Variants in KCNH1 observed in about 807,000 individuals in gnomAD.
The protein encoded by KCNH1 is potassium voltage-gated channel subfamily H member 1.
Under a neutral mutation model 69.2 loss-of-function variants are expected in KCNH1, and 27 were observed. That is an observed-to-expected ratio of 0.39 (90% CI 0.29 to 0.54). The LOEUF (loss-of-function observed/expected upper bound fraction) is 0.54. Ranked by LOEUF, KCNH1 falls within the 20% of genes least tolerant of loss-of-function variation. The probability of loss-of-function intolerance (pLI) is 0.68; values close to 1 mark genes in which losing one functional copy is unlikely to be tolerated. For synonymous variants in KCNH1, 456 were observed against 487.7 expected (o/e 0.93, Z 0.86); for missense variants, 798 against 1,261.6 (o/e 0.63, Z 5.57).
At chr1:210,748,178 C>T (rs1683203456) in intron 10 of KCNH1, among the ~76,000 whole-genome samples, 1 of 152,194 alleles carries the variant, frequency 6.6e-6, no homozygotes, top group African/African-American at 2.4e-5. Flanking sequence ...GGTCCACGTG[C>T]TCCTGTGTCC....
chr1:210,780,137 C>T (rs1683948292), intron 9 of KCNH1, among the ~76,000 whole-genome samples: 1 of 152,098 alleles, frequency 6.6e-6, no homozygotes, highest in African/African-American at 2.4e-5. Flanking sequence ...GGATCAATAG[C>T]CTTCTTGAGG....
At chr1:210,880,362 C>T (rs1307226728) in intron 7 of KCNH1, among the ~76,000 whole-genome samples, 4 of 152,106 alleles carry the variant, frequency 2.6e-5, no homozygotes, top group Non-Finnish European at 5.9e-5. Context: ...CTACAGTAAT[C>T]AACAATACAG....
At chr1:210,996,468 G>A (rs573650321) in intron 6 of KCNH1, among the ~76,000 whole-genome samples, 2 of 152,228 alleles carry the variant, frequency 1.3e-5, no homozygotes, top group African/African-American at 4.8e-5. Flanking sequence ...GCTTGATTAG[G>A]TAAACAAAGC....
intron 6 of KCNH1, among the ~76,000 whole-genome samples, chr1:211,002,160 C>T (rs1225301423): frequency 6.6e-6 from 1 of 151,720 alleles, no homozygotes; most frequent in East Asian, 1.9e-4. Flanking sequence ...AACAAACCTG[C>T]ACGTTGCGCA....
chr1:211,020,330 A>G (rs1297799882), intron 5 of KCNH1, among the ~76,000 whole-genome samples: 2 of 152,048 alleles, frequency 1.3e-5, no homozygotes, highest in African/African-American at 4.8e-5. Flanking sequence ...AATACAAAGG[A>G]TCATTAGAAG....
chr1:210,922,410 A>C (rs1289111837), intron 6 of KCNH1, among the ~76,000 whole-genome samples: 18 of 120,748 alleles, frequency 1.5e-4, no homozygotes, highest in East Asian at 6.5e-4. Context: ...AAAAAAAAAA[A>C]AAAAAAAAAA....
chr1:210,859,713 AG>A lies in KCNH1; in HGVS notation c.1463-55548del. On this transcript the variant is annotated intron_variant, in intron 7 of 10. Coordinates refer to ENST00000271751, the MANE Select transcript of KCNH1 (RefSeq NM_172362.3). ...GGATAAAAGCTGGCAAAATCTGTCC[AG>A]AAACCTGATTTAAACCTTGGGGTAT... 13 of 1,212,326 alleles carry A rather than the reference AG, an allele frequency of 1.1e-5. No individual in the cohort carries two copies. The South Asian group carries it at 1.4e-4, about 14-fold the overall frequency. 75.1% of individuals were successfully genotyped at this position (1,212,326 alleles called of 1,614,324 possible). A position where few individuals can be genotyped will look rare whatever the true frequency, so the allele number is the denominator to read the frequency against.
intron 6 of KCNH1, among the ~76,000 whole-genome samples, chr1:210,973,623 G>A (rs889044173): frequency 6.6e-6 from 1 of 152,084 alleles, no homozygotes; most frequent in African/African-American, 2.4e-5. Flanking sequence ...ACCAGGTAAT[G>A]TTTCCTTCCA....
intron 7 of KCNH1, among the ~76,000 whole-genome samples, chr1:210,832,589 G>A (rs1245618004): frequency 6.6e-6 from 1 of 151,978 alleles, no homozygotes; most frequent in Non-Finnish European, 1.5e-5. Context: ...CTCCATCAGG[G>A]AACAGATAAC....
chr1:210,821,684 A>G (rs1355869733), intron 7 of KCNH1, among the ~76,000 whole-genome samples: 2 of 151,782 alleles, frequency 1.3e-5, no homozygotes, highest in African/African-American at 4.8e-5. Flanking sequence ...GCAGCAGTAC[A>G]CTCCAGCTAA....
chr1:210,755,497 A>G (rs1038086300), intron 10 of KCNH1, among the ~76,000 whole-genome samples: 10 of 152,228 alleles, frequency 6.6e-5, no homozygotes, highest in Admixed American at 5.2e-4. Flanking sequence ...CTCCGCGGCT[A>G]CATTCATCCA....
chr1:211,074,420 T>C (rs995538679), intron 5 of KCNH1, among the ~76,000 whole-genome samples: 73 of 152,114 alleles, frequency 4.8e-4, no homozygotes, highest in African/African-American at 1.8e-3. Context: ...AGAAGAAAAA[T>C]GAACATCACC....
chr1:210,841,851 G>A (rs1325271423), intron 7 of KCNH1, among the ~76,000 whole-genome samples: 1 of 152,080 alleles, frequency 6.6e-6, no homozygotes, highest in South Asian at 2.1e-4. Context: ...AGGGGACCAG[G>A]GACAGAGACT....
At position 210,752,578 on chromosome 1, in the gene KCNH1, T is replaced by C. The variant is rs545357090; in HGVS notation, c.2112+22770A>G. On this transcript the variant is annotated intron_variant, in intron 10 of 10. Transcript: ENST00000271751. Reference sequence around the variant, plus strand: ...ACACAGTTTACATAAGAATATTTTCTGCATAAAAAGAAGATTCCTGTGCTG... The same window carrying C: ...ACACAGTTTACATAAGAATATTTTCCGCATAAAAAGAAGATTCCTGTGCTG... Among the ~76,000 whole-genome samples the C allele has an allele frequency of 5.5e-4, 83 of 152,262 alleles. 1 individual carries two copies. The highest frequency in any genetic ancestry group is 1.9e-3 in the African/African-American group (79 of 41,540).
intron 6 of KCNH1, among the ~76,000 whole-genome samples, chr1:210,920,775 A>G (rs1033584822): frequency 2.0e-5 from 3 of 152,214 alleles, no homozygotes; most frequent in African/African-American, 7.2e-5. Flanking sequence ...GAAACATTAC[A>G]AATTCTTAGA....
chr1:210,903,250 C>T (rs958475024), intron 7 of KCNH1, among the ~76,000 whole-genome samples: 2 of 152,170 alleles, frequency 1.3e-5, no homozygotes, highest in Non-Finnish European at 1.5e-5. Context: ...TTTCTCATGC[C>T]GTATCAAATT....
At chr1:211,073,949 T>A (rs943943809) in intron 5 of KCNH1, among the ~76,000 whole-genome samples, 1 of 151,766 alleles carries the variant, frequency 6.6e-6, no homozygotes, top group African/African-American at 2.4e-5. Flanking sequence ...TAAAAATCAA[T>A]AAGCCTCTAG....
chr1:210,898,376 A>G (rs1402619593), intron 7 of KCNH1, among the ~76,000 whole-genome samples: 2 of 152,258 alleles, frequency 1.3e-5, no homozygotes, highest in South Asian at 2.1e-4. Context: ...CAGAAGGTAC[A>G]GAAACATTAA....
intron 1 of KCNH1, among the ~76,000 whole-genome samples, chr1:211,107,752 T>C (rs1031497831): frequency 5.3e-5 from 8 of 152,220 alleles, no homozygotes; most frequent in African/African-American, 1.7e-4. Flanking sequence ...AAGTAATTTA[T>C]TCTGAGCTCT....
Sources: gnomAD v4.1 joint callset for allele counts (sites outside exome capture counted in the v4.1 genomes callset) on GRCh38, gnomAD v4.1.1 for gene constraint, MANE v1.5 for transcripts, NCBI Gene and HGNC (gene_info 2026-07-23, HGNC 2026-07-21) for gene names.